The following MCM4 variants were observed in gnomAD, a reference collection of about 807,000 sequenced individuals.
MCM4 encodes minichromosome maintenance complex component 4.
In MCM4, 60 loss-of-function variants were observed where a neutral mutation model predicts 88.7. The ratio of observed to expected loss-of-function variants is 0.68; its 90% CI spans 0.55 to 0.84. The LOEUF (loss-of-function observed/expected upper bound fraction) is 0.84. MCM4 is among the 40% of genes least tolerant of loss of function. The pLI is 0.00. For synonymous variants in MCM4, 465 were observed against 410.5 expected (o/e 1.13, Z -1.61); for missense variants, 1,149 against 1,105.5 (o/e 1.04, Z -0.56).
chr8:47,969,898 T>A lies in MCM4; in HGVS notation c.1275T>A (p.Asp425Glu), dbSNP rs1052670889. Residue 425 changes from aspartate (D) to glutamate (E), a missense_variant, in exon 11 of 17, where the codon GAT becomes GAA. Around this residue, in one of 3 missense-constraint regions of MCM4, gnomAD observed 906 missense variants for 843.0 expected, o/e 1.07. Coordinates refer to ENST00000649973, the MANE Select transcript of MCM4 (RefSeq NM_182746.3). ...HIDVIHYRKTDAKRLHGLDEE... is the reference protein window; with the variant it reads ...HIDVIHYRKTEAKRLHGLDEE... ...ATGTCATTCATTATCGGAAAACGGA[T>A]GCAAAACGTCTGCATGGCCTTGATG... 16 of 1,614,094 alleles carry A rather than the reference T, an allele frequency of 9.9e-6. No individual in the cohort carries two copies. Among genetic ancestry groups the A allele is most frequent in the African/African-American group, 1.3e-5 (1 of 74,928 alleles).
At chr8:47,974,376 C>T in intron 14 of MCM4, 1 of 244,344 alleles carries the variant, frequency 4.1e-6, no homozygotes, top group South Asian at 6.3e-5. Flanking sequence ...GCCTGATTCT[C>T]CCTATGAGTG....
Position 47,962,867 on chromosome 8 carries a change from A to G in MCM4, c.597+8A>G. ...ATGCAACGACTTGGGGAGGTAATCA[A>G]ATACTCTTTAAATTCAAGTTACGTG... On this transcript the variant is annotated splice_region_variant and intron_variant, in intron 6 of 16. Coordinates refer to ENST00000649973, the MANE Select transcript of MCM4 (RefSeq NM_182746.3). 4 of 1,588,846 alleles carry G rather than the reference A, an allele frequency of 2.5e-6. No homozygotes were observed. The highest frequency in any genetic ancestry group is 3.4e-6 in the Non-Finnish European group (4 of 1,167,006).
At chr8:47,967,196 ACTT>A (rs1170161806) in intron 9 of MCM4, among the ~76,000 whole-genome samples, 166 bp from the exon 10 acceptor site, 1 of 152,234 alleles carries the variant, frequency 6.6e-6, no homozygotes, top group Admixed American at 6.5e-5. Flanking sequence ...TGTTGCAGCA[ACTT>A]CTTTAGAAGA....
intron 7 of MCM4, among the ~76,000 whole-genome samples, chr8:47,964,336 G>A (rs140088544): frequency 2.2e-3 from 338 of 152,322 alleles, no homozygotes; most frequent in African/African-American, 7.4e-3. Flanking sequence ...CAAAGAATAT[G>A]CCAGTATACA....
chr8:47,974,685 T>C (rs368792846), intron 14 of MCM4, 49 bp from the exon 15 acceptor site: 15 of 1,472,846 alleles, frequency 1.0e-5, no homozygotes, highest in African/African-American at 8.4e-5. Flanking sequence ...AAAACTAAAG[T>C]TGTCACCAAG....
Position 47,975,795 on chromosome 8 carries a change from C to T in MCM4, c.2446C>T (p.Pro816Ser). ...KKLILSKGKT[P>S]ALKYQQLFED... is the part of the protein sequence containing the mutation. The stretch of plus-strand genomic sequence containing the variant: ...GCTTATTTTATCTAAGGGCAAAACA[C>T]CAGCTCTAAAATACCAGCAACTTTT... The change falls in exon 16 of 17, where the codon CCA becomes TCA. Residue 816 changes from proline to serine, a missense_variant. Coordinates refer to ENST00000649973, the MANE Select transcript of MCM4 (RefSeq NM_182746.3). The T allele has an allele frequency of 6.3e-7, 1 of 1,587,404 alleles. No homozygotes were observed. Among genetic ancestry groups the T allele is most frequent in the Non-Finnish European group, 8.5e-7 (1 of 1,169,778 alleles).
chr8:47,969,838 G>A lies in MCM4; in HGVS notation c.1215G>A (p.Val405=), dbSNP rs1461706392. The change falls in exon 11 of 17, where the codon GTG becomes GTA. Residue 405 remains valine (V), a synonymous_variant. Coordinates refer to ENST00000649973, the MANE Select transcript of MCM4 (RefSeq NM_182746.3). ...RAVPIRVNPR[V]SNVKSVYKTH... ...TGCCTATTCGAGTCAATCCAAGAGT[G>A]AGTAATGTGAAGTCTGTCTACAAAA... is the stretch of plus-strand genomic sequence containing the variant. The A allele has an allele frequency of 1.9e-6, 3 of 1,614,264 alleles. No homozygotes were observed. The highest frequency in any genetic ancestry group is 1.7e-6 in the Non-Finnish European group (2 of 1,180,052).
rs1442305495 is a variant in MCM4 at position 47,966,243 on chromosome 8, C to G, written c.889C>G (p.Pro297Ala). ...GGTGATCAGGACATCCCAGCTGATT[C>G]CCGAGATGCAGGAGGCCTTCTTCCA... The part of the protein sequence containing the change: ...GMVIRTSQLI[P>A]EMQEAFFQCQ... The change falls in exon 9 of 17, where the codon CCC (proline) becomes GCC (alanine). Residue 297 changes from proline (P) to alanine (A), a missense_variant. Around this residue, in one of 3 missense-constraint regions of MCM4, gnomAD observed 906 missense variants for 843.0 expected, o/e 1.07. Coordinates refer to ENST00000649973, the MANE Select transcript of MCM4 (RefSeq NM_182746.3). 3 of 1,614,114 alleles carry G rather than the reference C, an allele frequency of 1.9e-6. No individual in the cohort carries two copies. Among genetic ancestry groups the G allele is most frequent in the South Asian group, 1.1e-5 (1 of 91,078 alleles).
intron 3 of MCM4, 103 bp from the exon 4 acceptor site, chr8:47,961,950 A>G (rs1163396073): frequency 2.6e-6 from 3 of 1,142,870 alleles, no homozygotes; most frequent in African/African-American, 1.5e-5. Context: ...GTTGCAATAA[A>G]TATTCAGTTT....
chr8:47,970,206 G>C, intron 11 of MCM4, 149 bp downstream of exon 11: 1 of 939,378 alleles, frequency 1.1e-6, no homozygotes, highest in Non-Finnish European at 1.6e-6. Flanking sequence ...CTTGCCATTG[G>C]TTGAGAAGAA....
rs996039902 is a variant in MCM4, at chr8:47,962,674, G to A, written c.502-90G>A. 3 of 772,542 alleles carry A rather than the reference G, an allele frequency of 3.9e-6. No homozygotes were observed. In the African/African-American group the frequency reaches 5.2e-5, roughly 13 times the overall value. 47.9% of individuals were successfully genotyped at this position (772,542 alleles called of 1,614,324 possible). On this transcript the variant is annotated intron_variant, in intron 5 of 16. Transcript: ENST00000649973. ...AAAATATTATTTATTTCTGTCTCCT[G>A]ATAGTGACATACTCATAACTTTGTG... is the stretch of plus-strand genomic sequence containing the variant.
intron 14 of MCM4, chr8:47,973,947 G>A (rs2090978478): frequency 6.6e-6 from 1 of 152,088 alleles, no homozygotes; most frequent in Non-Finnish European, 1.5e-5. Context: ...TCAAAGACCT[G>A]GTTTCAAATA....
chr8:47,963,259 C>A lies in MCM4; in HGVS notation c.693+219C>A, dbSNP rs17287576. Reference sequence around the variant, plus strand: ...CTTGAGGTCGGAAGTTTGAGACCAGCCTGGGCAACAAAGTGAAACCCCATC... The same window carrying A: ...CTTGAGGTCGGAAGTTTGAGACCAGACTGGGCAACAAAGTGAAACCCCATC... On this transcript the variant is annotated intron_variant, in intron 7 of 16. Coordinates refer to ENST00000649973, the MANE Select transcript of MCM4 (RefSeq NM_182746.3). Among the ~76,000 whole-genome samples, 788 of 152,208 alleles carry A rather than the reference C, an allele frequency of 5.2e-3. 12 individuals are homozygous for A. Among genetic ancestry groups the A allele is most frequent in the African/African-American group, 0.018 (762 of 41,522 alleles).
intron 9 of MCM4, 87 bp from the exon 10 acceptor site, chr8:47,967,278 T>C: frequency 2.0e-6 from 3 of 1,477,624 alleles, no homozygotes; most frequent in East Asian, 2.3e-5. Flanking sequence ...TGCAGCCTTA[T>C]ATGGCAAAAG....
Position 47,966,267 on chromosome 8 carries a change from C to T in MCM4, c.913C>T (p.Gln305Ter). ...TCCCGAGATGCAGGAGGCCTTCTTC[C>T]AGTGCCAAGTGTGTGCCCACACGAC... ...LIPEMQEAFF[Q>*]CQVCAHTTRV... The change falls in exon 9 of 17, where the codon CAG (glutamine) becomes TAG (stop). Residue 305 changes from glutamine (Q) to a stop codon, truncating the protein, a stop_gained. Coordinates refer to ENST00000649973, the MANE Select transcript of MCM4 (RefSeq NM_182746.3). LOFTEE classifies it high-confidence loss of function. 2 of 1,614,114 alleles carry T rather than the reference C, an allele frequency of 1.2e-6. No individual in the cohort carries two copies. The highest frequency in any genetic ancestry group is 1.1e-5 in the South Asian group (1 of 91,068).
intron 7 of MCM4, among the ~76,000 whole-genome samples, chr8:47,963,608 T>G (rs772743373): frequency 2.6e-5 from 4 of 152,236 alleles, no homozygotes; most frequent in Non-Finnish European, 4.4e-5. Flanking sequence ...ATCTTAAAAC[T>G]GATAGCTTCT....
chr8:47,970,570 C>T lies in MCM4; in HGVS notation c.1494C>T (p.Gly498=). 6.2e-7 allele frequency: 1 copy of T among 1,613,858 alleles called. No homozygotes were observed. The highest frequency in any genetic ancestry group is 8.5e-7 in the Non-Finnish European group (1 of 1,179,800). The change falls in exon 12 of 17, where the codon GGC becomes GGT. Residue 498 remains glycine, a synonymous_variant. Coordinates refer to ENST00000649973, the MANE Select transcript of MCM4 (RefSeq NM_182746.3). ...TRKDFSHTGR[G]KFRAEINILL... is the part of the protein sequence containing the mutation. ...AGGATTTTAGTCACACTGGAAGGGG[C>T]AAATTTCGGGCTGAGATCAACATCT... is the stretch of plus-strand genomic sequence containing the variant.
chr8:47,969,751 A>C, intron 10 of MCM4, 47 bp from the exon 11 acceptor site: 1 of 1,606,052 alleles, frequency 6.2e-7, no homozygotes, highest in Non-Finnish European at 8.5e-7. Flanking sequence ...AGCCACTCGG[A>C]GGAAGATATG....
Position 47,969,959 on chromosome 8 carries a change from G to T in MCM4, c.1336G>T (p.Val446Leu). ...AEQKLFSEKRVELLKELSRKP... is the reference protein window; with the variant it reads ...AEQKLFSEKRLELLKELSRKP... ...ACAGAAACTTTTTTCAGAGAAACGTGTGGAATTGCTTAAGGAACTTTCCAG... is the reference window on the plus strand; with the variant it reads ...ACAGAAACTTTTTTCAGAGAAACGTTTGGAATTGCTTAAGGAACTTTCCAG... The change falls in exon 11 of 17, where the codon GTG (valine) becomes TTG (leucine). Residue 446 changes from valine (V) to leucine (L), a missense_variant. Transcript: ENST00000649973. 2 of 1,614,252 alleles carry T rather than the reference G, an allele frequency of 1.2e-6. No homozygotes were observed. The highest frequency in any genetic ancestry group is 1.7e-6 in the Non-Finnish European group (2 of 1,180,060).
Sources: allele counts gnomAD v4.1 joint callset (sites outside exome capture counted in the v4.1 genomes callset), GRCh38; gene constraint gnomAD v4.1.1; regional missense constraint gnomAD v4.1.1; transcripts MANE v1.5; gene names NCBI Gene and HGNC (gene_info 2026-07-23, HGNC 2026-07-21).